PACSIN2: variants seen among roughly 807,000 people sequenced by gnomAD.
PACSIN2 encodes protein kinase C and casein kinase substrate in neurons protein 2.
In PACSIN2, 25 loss-of-function variants were observed where a neutral mutation model predicts 63.8. The observed-to-expected ratio is 0.39, with a 90% CI of 0.29 to 0.55. PACSIN2 has a LOEUF of 0.55. Ranked by LOEUF, PACSIN2 falls within the 20% of genes least tolerant of loss-of-function variation. The pLI, the probability that PACSIN2 is intolerant of heterozygous loss-of-function variation, is 0.62. For missense variants in PACSIN2, 518 were observed against 646.9 expected, an observed-to-expected ratio of 0.80 and a Z score of 2.16; for synonymous variants, 255 against 256.2, an observed-to-expected ratio of 1.00 and a Z score of 0.05.
At chr22:42,905,799 G>A (rs968756059) in intron 2 of PACSIN2, among the ~76,000 whole-genome samples, 3 of 152,246 alleles carry the variant, frequency 2.0e-5, no homozygotes, top group African/African-American at 7.2e-5. Flanking sequence ...ATGGGTAAAA[G>A]GGATTGGTGC....
chr22:42,916,184 G>T lies in PACSIN2; in HGVS notation c.-77-4027C>A, dbSNP rs985901254. Among the ~76,000 whole-genome samples the T allele has an allele frequency of 3.3e-5, 5 of 152,326 alleles. No individual in the cohort carries two copies. The South Asian group carries it at 1.0e-3, about 32-fold the overall frequency. ...TCTCAGTACCCCCAGGTCACAGGCC[G>T]TGGCACGGCCTACCTCAATGGGAGC... On this transcript the variant is annotated intron_variant, in intron 1 of 10. Coordinates refer to ENST00000263246, the MANE Select transcript of PACSIN2 (RefSeq NM_001184970.3).
In PACSIN2 at chr22:42,901,673, G is replaced by T. The variant is rs1291127485; in HGVS notation, c.61-8060C>A. Among the ~76,000 whole-genome samples, 3 of 152,004 alleles carry T rather than the reference G, an allele frequency of 2.0e-5. No homozygotes were observed. The East Asian group carries it at 5.8e-4, about 29-fold the overall frequency. ...CCAGCTGTGCTCTCCGCCTGCCACG[G>T]CGATCGCCTGACAAGGCCTAACTTC... On this transcript the variant is annotated intron_variant, in intron 2 of 10. Transcript: ENST00000263246.
At chr22:42,972,407 C>A (rs1921394631) in intron 1 of PACSIN2, among the ~76,000 whole-genome samples, 1 of 152,144 alleles carries the variant, frequency 6.6e-6, no homozygotes. Context: ...AAACCAGAGA[C>A]CCTTGTTCAC....
chr22:42,910,453 T>TG (rs376932740), intron 2 of PACSIN2, among the ~76,000 whole-genome samples: 8 of 152,256 alleles, frequency 5.3e-5, no homozygotes, highest in African/African-American at 1.2e-4. Flanking sequence ...ACAGCCTCTC[T>TG]GGGGGGGCCA....
At chr22:42,966,334 C>A (rs560359525) in intron 1 of PACSIN2, among the ~76,000 whole-genome samples, 1 of 150,740 alleles carries the variant, frequency 6.6e-6, no homozygotes, top group Non-Finnish European at 1.5e-5. Context: ...CCCTGCACTC[C>A]GGCCTGGCGA....
intron 1 of PACSIN2, among the ~76,000 whole-genome samples, chr22:42,927,541 G>T (rs781248196): frequency 1.3e-5 from 2 of 151,902 alleles, no homozygotes; most frequent in Admixed American, 6.6e-5. Context: ...GAGCCACCAC[G>T]CCTGGCCCCA....
At chr22:43,013,043 C>T (rs532196808) in intron 1 of PACSIN2, among the ~76,000 whole-genome samples, 26 of 152,140 alleles carry the variant, frequency 1.7e-4, no homozygotes, top group Non-Finnish European at 3.1e-4. Context: ...CTGCCCGCCT[C>T]GGCCTTCCCA....
intron 7 of PACSIN2, among the ~76,000 whole-genome samples, chr22:42,879,704 C>T (rs770004906): frequency 6.6e-5 from 10 of 152,166 alleles, no homozygotes; most frequent in Non-Finnish European, 5.9e-5. Context: ...CAGTTGGCTT[C>T]GGAGACCTGA....
chr22:42,871,329 G>GC lies in PACSIN2; in HGVS notation c.*27_*28insG, dbSNP rs779237809. On this transcript the variant is annotated 3_prime_UTR_variant, in exon 11 of 11. Transcript: ENST00000263246. The surrounding 1 kb of genome is among the most constrained non-coding windows in gnomAD (Gnocchi z 5.4). ...TGAGGCTCCTGGGCCCGCCGCCTCCGTCCCCCCGCTGGCCTGTCCCCGACT... is the reference window on the plus strand; with the variant it reads ...TGAGGCTCCTGGGCCCGCCGCCTCCGCTCCCCCCGCTGGCCTGTCCCCGACT... 19 of 1,360,738 alleles carry GC rather than the reference G, an allele frequency of 1.4e-5. No homozygotes were observed. Among genetic ancestry groups the GC allele is most frequent in the Non-Finnish European group, 2.0e-5 (19 of 966,230 alleles). 84.3% of individuals were successfully genotyped at this position (1,360,738 alleles called of 1,614,324 possible). A position where few individuals can be genotyped will look rare whatever the true frequency, so the allele number is the denominator to read the frequency against.
At chr22:42,982,869 T>TAAAAAAAAAAAAAAAAAAAAAA (rs1252040629) in intron 1 of PACSIN2, among the ~76,000 whole-genome samples, 3 of 44,018 alleles carry the variant, frequency 6.8e-5, no homozygotes, top group South Asian at 1.0e-3. Flanking sequence ...GAATGATCAA[T>TAAAAAAAAAAAAAAAAAAAAAA]AAAAAAAAAA....
rs111869015 is a variant in PACSIN2, at chr22:42,943,124, T to C, written c.-77-30967A>G. On this transcript the variant is annotated intron_variant, in intron 1 of 10. Coordinates refer to ENST00000263246, the MANE Select transcript of PACSIN2 (RefSeq NM_001184970.3). The stretch of plus-strand genomic sequence containing the variant: ...AGTCTTACACTTCTCTTCATAAATT[T>C]ACTCCTATTTTATTCTTTATATACT... 4.3e-3 allele frequency among the ~76,000 whole-genome samples: 653 copies of C among 152,390 alleles called. 3 individuals carry two copies. The highest frequency in any genetic ancestry group is 0.015 in the African/African-American group (617 of 41,606).
In PACSIN2 at chr22:43,004,481, G is replaced by A. The variant is rs145670773; in HGVS notation, c.-78+10540C>T. Among the ~76,000 whole-genome samples the A allele has an allele frequency of 2.1e-3, 316 of 152,262 alleles. 4 individuals carry two copies. In the Middle Eastern group the frequency reaches 0.048, roughly 23 times the overall value. ...CATCACCACGTGCGAGCTAAGTGGC[G>A]AGCAGGCAGCCAGCTCCAGCCAATC... On this transcript the variant is annotated intron_variant, in intron 1 of 10. Transcript: ENST00000263246.
intron 1 of PACSIN2, among the ~76,000 whole-genome samples, chr22:42,915,882 A>G (rs1226723279): frequency 6.6e-6 from 1 of 152,204 alleles, no homozygotes; most frequent in Non-Finnish European, 1.5e-5. Flanking sequence ...GAATCTAGCA[A>G]AGATATCCGA....
intron 1 of PACSIN2, among the ~76,000 whole-genome samples, chr22:43,001,784 G>C (rs538699699): frequency 6.6e-6 from 1 of 152,334 alleles, no homozygotes; most frequent in African/African-American, 2.4e-5. Flanking sequence ...AGCCCCTGTG[G>C]GGAGAGGGTA....
At chr22:42,979,523 CAAAAAA>C (rs768725896) in intron 1 of PACSIN2, among the ~76,000 whole-genome samples, 8 of 61,642 alleles carry the variant, frequency 1.3e-4, no homozygotes, top group African/African-American at 4.9e-4. Flanking sequence ...GACTCCCTCT[CAAAAAA>C]AAAAAAAAAA....
intron 1 of PACSIN2, among the ~76,000 whole-genome samples, chr22:42,915,376 C>T (rs1243769108): frequency 6.6e-6 from 1 of 152,196 alleles, no homozygotes; most frequent in Non-Finnish European, 1.5e-5. Flanking sequence ...TCTCCGGTTA[C>T]ATGGTGGCAG....
chr22:42,875,737 T>C (rs1928564756), intron 10 of PACSIN2, among the ~76,000 whole-genome samples: 1 of 152,182 alleles, frequency 6.6e-6, no homozygotes, highest in African/African-American at 2.4e-5. Context: ...GGTTTCACCA[T>C]GTTGGTTAGG....
chr22:43,009,863 C>CTTTTTTTTTTTTTTTTTTTTTT lies in PACSIN2; in HGVS notation c.-78+5157_-78+5158insAAAAAAAAAAAAAAAAAAAAAA. Among the ~76,000 whole-genome samples, 2 of 131,814 alleles carry CTTTTTTTTTTTTTTTTTTTTTT rather than the reference C, an allele frequency of 1.5e-5. 1 individual carries two copies. The highest frequency in any genetic ancestry group is 5.9e-5 in the African/African-American group (2 of 34,058). 86.5% of individuals were successfully genotyped at this position (131,814 alleles called of 152,430 possible). A position where few individuals can be genotyped will look rare whatever the true frequency, so the allele number is the denominator to read the frequency against. ...TAGTTGAGACATCATTTTATTTTTTCTATTTTTTTTTTTTTTTTTTTTTGA... is the reference window on the plus strand; with the variant it reads ...TAGTTGAGACATCATTTTATTTTTTCTTTTTTTTTTTTTTTTTTTTTTTATTTTTTTTTTTTTTTTTTTTTGA... On this transcript the variant is annotated intron_variant, in intron 1 of 10. Transcript: ENST00000263246.
chr22:42,996,044 C>T (rs1003461443), intron 1 of PACSIN2, among the ~76,000 whole-genome samples: 1 of 151,660 alleles, frequency 6.6e-6, no homozygotes, highest in Non-Finnish European at 1.5e-5. Context: ...CACGGTGAAA[C>T]CTCATTTCTA....
Sources: allele counts gnomAD v4.1 joint callset (sites outside exome capture counted in the v4.1 genomes callset), GRCh38; gene constraint gnomAD v4.1.1; non-coding constraint Gnocchi (gnomAD v3.1); transcripts MANE v1.5; gene names NCBI Gene and HGNC (gene_info 2026-07-23, HGNC 2026-07-21).